DNAH3: variants seen among roughly 807,000 people sequenced by gnomAD.
DNAH3 encodes axonemal beta dynein heavy chain 3.
A neutral mutation model predicts 432.5 loss-of-function variants in DNAH3; 332 were observed. The observed-to-expected ratio is 0.77, with a 90% CI of 0.70 to 0.84. DNAH3 has a LOEUF of 0.84. DNAH3 is among the 40% of genes least tolerant of loss of function. DNAH3 has a pLI of 0.00. For synonymous variants in DNAH3, 1,956 were observed against 1,900.2 expected (o/e 1.03, Z -0.76); for missense variants, 4,861 against 5,114.0 (o/e 0.95, Z 1.51).
At chr16:20,955,084 T>C (rs368053807) in intron 54 of DNAH3, 27 bp from the exon 55 acceptor site, 1 of 1,570,728 alleles carries the variant, frequency 6.4e-7, no homozygotes, top group African/African-American at 1.4e-5. Context: ...CCCAACGTTT[T>C]AGAGCAATAC....
intron 15 of DNAH3, among the ~76,000 whole-genome samples, chr16:21,105,521 A>G (rs1031594424): frequency 6.6e-6 from 1 of 151,912 alleles, no homozygotes; most frequent in Non-Finnish European, 1.5e-5. Flanking sequence ...ATCCCAGTAC[A>G]TTGGGAGGTC....
chr16:20,953,166 T>G (rs555404944), intron 55 of DNAH3, among the ~76,000 whole-genome samples: 18 of 151,758 alleles, frequency 1.2e-4, no homozygotes, highest in African/African-American at 3.9e-4. Context: ...GTTTGTTGTT[T>G]TTTTTTTTTG....
chr16:21,014,377 C>A (rs1441707550), intron 41 of DNAH3, among the ~76,000 whole-genome samples: 1 of 152,056 alleles, frequency 6.6e-6, no homozygotes, highest in Non-Finnish European at 1.5e-5. Context: ...TTAATAGATT[C>A]AGAAAAAGCA....
intron 51 of DNAH3, among the ~76,000 whole-genome samples, chr16:20,970,863 C>CTTTT (rs869203073): frequency 8.9e-5 from 11 of 124,088 alleles, no homozygotes; most frequent in East Asian, 4.6e-4. Context: ...TTTCTCTATT[C>CTTTT]TTTTTTTTTT....
intron 41 of DNAH3, among the ~76,000 whole-genome samples, chr16:21,013,344 C>G (rs978972626): frequency 6.6e-6 from 1 of 151,282 alleles, no homozygotes; most frequent in Admixed American, 6.6e-5. Context: ...AGCACCAGCC[C>G]GGGCAGATCC....
chr16:21,115,463 T>C (rs943553364), intron 12 of DNAH3, among the ~76,000 whole-genome samples: 6 of 151,200 alleles, frequency 4.0e-5, no homozygotes, highest in Admixed American at 3.3e-4. Context: ...TCCCAGCACT[T>C]TGGGAGGCCG....
At chr16:20,971,815 T>C (rs913816907) in intron 51 of DNAH3, among the ~76,000 whole-genome samples, 46 of 152,226 alleles carry the variant, frequency 3.0e-4, no homozygotes, top group African/African-American at 9.2e-4. Flanking sequence ...CTTGGTCACA[T>C]AGGCAAGTCC....
chr16:21,134,655 G>A (rs558641245), intron 6 of DNAH3, among the ~76,000 whole-genome samples: 4 of 152,134 alleles, frequency 2.6e-5, no homozygotes, highest in African/African-American at 7.2e-5. Context: ...GCTATGCCTG[G>A]CCTTAGAGTC....
Position 20,997,269 on chromosome 16 carries a change from T to C in DNAH3, c.6601+14A>G, listed in dbSNP as rs778808669. 1.2e-6 allele frequency: 2 copies of C among 1,612,320 alleles called. No individual in the cohort carries two copies. The highest frequency in any genetic ancestry group is 3.3e-5 in the Admixed American group (2 of 59,960). The stretch of plus-strand genomic sequence containing the variant: ...GATGGAGGGAAAGAGGAATGAGCTC[T>C]TCCCTTCACATACCAGTAATGTCAT... On this transcript the variant is annotated intron_variant, in intron 44 of 61. Coordinates refer to ENST00000261383, the Ensembl canonical transcript of DNAH3.
chr16:20,994,794 C>T (rs34479743), intron 44 of DNAH3, among the ~76,000 whole-genome samples: 12,998 of 152,178 alleles, frequency 0.085, 725 homozygotes, highest in Non-Finnish European at 0.13. Flanking sequence ...TGGTTTATTT[C>T]ACTTAAAGAC....
intron 46 of DNAH3, 120 bp from the exon 47 acceptor site, chr16:20,987,568 G>A: frequency 6.5e-7 from 1 of 1,532,612 alleles, no homozygotes; most frequent in Non-Finnish European, 8.9e-7. Context: ...TTTATAAAAT[G>A]CTTAGCACAA....
intron 49 of DNAH3, among the ~76,000 whole-genome samples, chr16:20,982,094 C>G (rs2085937116): frequency 6.6e-6 from 1 of 151,114 alleles, no homozygotes; most frequent in Non-Finnish European, 1.5e-5. Flanking sequence ...CTTATAGGAA[C>G]TAATTTTTGC....
intron 20 of DNAH3, among the ~76,000 whole-genome samples, chr16:21,081,102 G>A (rs1204358712): frequency 6.6e-6 from 1 of 151,894 alleles, no homozygotes; most frequent in Non-Finnish European, 1.5e-5. Context: ...ATTTTTAGTA[G>A]AAACGGGGGT....
intron 3 of DNAH3, 90 bp downstream of exon 4, chr16:21,145,091 G>A (rs1249416123): frequency 6.9e-6 from 8 of 1,164,650 alleles, no homozygotes; most frequent in African/African-American, 3.1e-5. Context: ...CAGCCTGGGC[G>A]ACAGAGTGAG....
intron 50 of DNAH3, among the ~76,000 whole-genome samples, chr16:20,975,896 C>A (rs1182964738): frequency 6.6e-6 from 1 of 152,092 alleles, no homozygotes; most frequent in African/African-American, 2.4e-5. Context: ...AGTCACACAC[C>A]ACCACGCCTG....
intron 8 of DNAH3, among the ~76,000 whole-genome samples, chr16:21,125,826 G>A (rs149156650): frequency 1.1e-4 from 16 of 152,280 alleles, no homozygotes; most frequent in South Asian, 2.1e-4. Flanking sequence ...TGGCTGCTCA[G>A]AAGTTGATGG....
intron 18 of DNAH3, among the ~76,000 whole-genome samples, chr16:21,091,748 G>A (rs902775667): frequency 6.6e-6 from 1 of 152,052 alleles, no homozygotes; most frequent in Admixed American, 6.6e-5. Context: ...CCCAGGAGGT[G>A]GAGGTTGTAG....
chr16:20,973,878 G>A (rs1283119723), intron 51 of DNAH3, among the ~76,000 whole-genome samples: 1 of 152,202 alleles, frequency 6.6e-6, no homozygotes, highest in African/African-American at 2.4e-5. Flanking sequence ...AGGGCATTCT[G>A]TGTAGAGGGA....
intron 7 of DNAH3, among the ~76,000 whole-genome samples, chr16:21,132,194 A>C (rs2092574559): frequency 6.6e-6 from 1 of 152,178 alleles, no homozygotes; most frequent in Non-Finnish European, 1.5e-5. Flanking sequence ...AATACAAGCA[A>C]AACTAAGGAT....
Sources: allele counts gnomAD v4.1 joint callset (sites outside exome capture counted in the v4.1 genomes callset), GRCh38; gene constraint gnomAD v4.1.1; transcripts MANE v1.5; gene names NCBI Gene and HGNC (gene_info 2026-07-23, HGNC 2026-07-21).